EDNRB: variants seen among roughly 807,000 people sequenced by gnomAD.
EDNRB encodes Hirschsprung disease 2.
EDNRB carries 18 observed loss-of-function variants against 46.4 expected under a neutral mutation model. The observed-to-expected ratio is 0.39, with a 90% CI of 0.27 to 0.57. The LOEUF (loss-of-function observed/expected upper bound fraction) is 0.57, where lower values mean the gene tolerates loss of function less well. Among genes scored for constraint, EDNRB ranks in the 20% least tolerant of loss-of-function variants. EDNRB has a pLI of 0.61. For synonymous variants in EDNRB, 213 were observed against 204.9 expected (o/e 1.04, Z -0.34); for missense variants, 434 against 537.5 (o/e 0.81, Z 1.90).
At chr13:77,911,608 TAATA>T (rs928703941) in intron 1 of EDNRB, among the ~76,000 whole-genome samples, 4 of 152,030 alleles carry the variant, frequency 2.6e-5, no homozygotes, top group Non-Finnish European at 4.4e-5. Context: ...TCAATTTTGC[TAATA>T]AATTTCTGAT....
At chr13:77,922,416 A>G (rs1432441465), upstream of EDNRB, among the ~76,000 whole-genome samples, 1 of 152,218 alleles carries the variant, frequency 6.6e-6, no homozygotes, top group African/African-American at 2.4e-5. Context: ...AAGCCCTTTT[A>G]GCCACACAAA....
rs560247414 is a variant in EDNRB, at chr13:77,900,379, C to T, written c.1085+142G>A. The T allele has an allele frequency of 4.6e-4, 519 of 1,137,148 alleles. 4 individuals are homozygous for T. The African/African-American group carries it at 7.4e-3, about 16-fold the overall frequency. The allele number at this position is 1,137,148 out of a possible 1,614,324, so 70.4% of individuals were successfully genotyped here. On this transcript the variant is annotated intron_variant, in intron 5 of 6. Coordinates refer to ENST00000646607, the MANE Select transcript of EDNRB (RefSeq NM_001122659.3). Reference sequence around the variant, plus strand: ...CCCTTCCCTGTCCCTCTCAACAGGACCTCAGATAAAAATTGGGAGTCTCCA... The same window carrying T: ...CCCTTCCCTGTCCCTCTCAACAGGATCTCAGATAAAAATTGGGAGTCTCCA...
chr13:77,898,538 A>G (rs1242602454), intron 6 of EDNRB, among the ~76,000 whole-genome samples: 3 of 152,044 alleles, frequency 2.0e-5, no homozygotes, highest in African/African-American at 7.2e-5. Flanking sequence ...CAGAGAAGAA[A>G]AAAACCTACA....
At chr13:77,933,904 GA>G (rs1359174838) in intron 1 of EDNRB, among the ~76,000 whole-genome samples, 1 of 152,172 alleles carries the variant, frequency 6.6e-6, no homozygotes, top group Non-Finnish European at 1.5e-5. Context: ...TGTATGAATT[GA>G]AAAACTAAAC....
chr13:77,935,604 G>A (rs2137658669), intron 1 of EDNRB, among the ~76,000 whole-genome samples: 1 of 152,326 alleles, frequency 6.6e-6, no homozygotes, highest in Admixed American at 6.5e-5. Context: ...GGGAGAGCAT[G>A]TGTGTGTTTA....
intron 1 of EDNRB, among the ~76,000 whole-genome samples, chr13:77,926,112 C>G (rs1358426241): frequency 6.6e-6 from 1 of 152,210 alleles, no homozygotes; most frequent in Non-Finnish European, 1.5e-5. Context: ...CCTTTACCCA[C>G]ATTGTATCTG....
At chr13:77,956,332 A>G (rs529437287) in intron 1 of EDNRB, among the ~76,000 whole-genome samples, 1 of 152,272 alleles carries the variant, frequency 6.6e-6, no homozygotes, top group Non-Finnish European at 1.5e-5. Context: ...TTTTTAGTGT[A>G]CAAAAACTGA....
At chr13:77,908,909 A>G (rs1230385803) in intron 1 of EDNRB, among the ~76,000 whole-genome samples, 1 of 152,040 alleles carries the variant, frequency 6.6e-6, no homozygotes, top group Non-Finnish European at 1.5e-5. Context: ...ATCAAATATG[A>G]GCCAGTTGGC....
At chr13:77,902,694 T>C (rs1312598910) in intron 3 of EDNRB, among the ~76,000 whole-genome samples, 1 of 151,980 alleles carries the variant, frequency 6.6e-6, no homozygotes, top group Non-Finnish European at 1.5e-5. Flanking sequence ...AGGGGAAAGA[T>C]GCAGCAGTGG....
At chr13:77,952,342 T>A (rs12720139) in intron 1 of EDNRB, among the ~76,000 whole-genome samples, 113 of 152,288 alleles carry the variant, frequency 7.4e-4, no homozygotes, top group Admixed American at 3.4e-3. Flanking sequence ...TCAGTGTTAT[T>A]ATCTTTAAAG....
intron 1 of EDNRB, among the ~76,000 whole-genome samples, chr13:77,973,105 T>G (rs929687552): frequency 6.6e-6 from 1 of 152,220 alleles, no homozygotes; most frequent in African/African-American, 2.4e-5. Flanking sequence ...ATATAATTTT[T>G]AAGAAATTGA....
intron 1 of EDNRB, among the ~76,000 whole-genome samples, chr13:77,966,028 C>T (rs866446433): frequency 2.0e-4 from 30 of 152,054 alleles, no homozygotes; most frequent in African/African-American, 7.2e-4. Context: ...AGGTGTGTGT[C>T]ACCATGCCCA....
chr13:77,896,389 T>G lies in EDNRB; in HGVS notation c.*1811A>C. On this transcript the variant is annotated 3_prime_UTR_variant, in exon 7 of 7. Coordinates refer to ENST00000646607, the MANE Select transcript of EDNRB (RefSeq NM_001122659.3). ...CTCTGAAAAAGTGATTGGGATGAAA[T>G]TAAAGAACAAGTTTGTGGGTGATTT... 1 of 1,510,258 alleles carries G rather than the reference T, an allele frequency of 6.6e-7. No individual in the cohort carries two copies. 93.6% of individuals were successfully genotyped at this position (1,510,258 alleles called of 1,614,324 possible).
chr13:77,920,350 T>C (rs886424892), upstream of EDNRB, among the ~76,000 whole-genome samples: 18 of 151,952 alleles, frequency 1.2e-4, no homozygotes, highest in African/African-American at 3.9e-4. Context: ...TGCCCAGAGA[T>C]TGTATAAAAG....
chr13:77,924,066 G>T (rs1201715027), upstream of EDNRB, among the ~76,000 whole-genome samples: 1 of 152,062 alleles, frequency 6.6e-6, no homozygotes, highest in African/African-American at 2.4e-5. Flanking sequence ...AAATTTAAAG[G>T]GAAACAATGA....
chr13:77,897,905 A>T lies in EDNRB; in HGVS notation c.*295T>A. On this transcript the variant is annotated 3_prime_UTR_variant, in exon 7 of 7. Coordinates refer to ENST00000646607, the MANE Select transcript of EDNRB (RefSeq NM_001122659.3). ...TCTGAGTGAGCTCATTTTTAAGCCTAAGTGTTGTGTGAATATCCTGGAAGT... is the reference window on the plus strand; with the variant it reads ...TCTGAGTGAGCTCATTTTTAAGCCTTAGTGTTGTGTGAATATCCTGGAAGT... The T allele has an allele frequency of 1.8e-6, 2 of 1,113,654 alleles. No individual in the cohort carries two copies. The highest frequency in any genetic ancestry group is 3.3e-5 in the African/African-American group (2 of 60,754). The allele number at this position is 1,113,654 out of a possible 1,614,324, so 69.0% of individuals were successfully genotyped here.
intron 1 of EDNRB, among the ~76,000 whole-genome samples, chr13:77,973,220 A>G (rs1277734541): frequency 6.6e-6 from 1 of 152,198 alleles, no homozygotes; most frequent in Non-Finnish European, 1.5e-5. Flanking sequence ...TTTTTAAATC[A>G]AAGAAAGCCA....
At chr13:77,939,746 C>G (rs949164972) in intron 1 of EDNRB, 1 of 152,198 alleles carries the variant, frequency 6.6e-6, no homozygotes, top group Non-Finnish European at 1.5e-5. Flanking sequence ...GCCTGTAATC[C>G]CAGCACTTTG....
At chr13:77,905,569 G>C (rs771388394) in intron 1 of EDNRB, among the ~76,000 whole-genome samples, 1 of 151,864 alleles carries the variant, frequency 6.6e-6, no homozygotes, top group East Asian at 1.9e-4. Context: ...TATAGTGAGG[G>C]AGGCAGACAA....
Sources: allele counts gnomAD v4.1 joint callset (sites outside exome capture counted in the v4.1 genomes callset), GRCh38; gene constraint gnomAD v4.1.1; transcripts MANE v1.5; gene names NCBI Gene and HGNC (gene_info 2026-07-23, HGNC 2026-07-21).